Variants in ADI1 observed in about 807,000 individuals in gnomAD.
ADI1 encodes acireductone dioxygenase.
In ADI1, 21 loss-of-function variants were observed where a neutral mutation model predicts 18.7. That is an observed-to-expected ratio of 1.13 (90% CI 0.80 to 1.62). ADI1 has a LOEUF of 1.62. ADI1 is among the 40% of genes most tolerant of loss of function. The pLI is 0.00. For synonymous variants in ADI1, 90 were observed against 100.1 expected (o/e 0.90, Z 0.60); for missense variants, 245 against 254.9 (o/e 0.96, Z 0.26).
chr2:3,502,188 G>T (rs1288066072), intron 2 of ADI1, among the ~76,000 whole-genome samples: 1 of 151,874 alleles, frequency 6.6e-6, no homozygotes, highest in Non-Finnish European at 1.5e-5. Context: ...ACCATACCTG[G>T]CTAATTTTTT....
At chr2:3,516,498 A>AG (rs1667413885) in intron 1 of ADI1, 1 of 147,394 alleles carries the variant, frequency 6.8e-6, no homozygotes, top group Non-Finnish European at 1.5e-5. Context: ...AAAAAAAAAA[A>AG]GAGCAAGAGA....
intron 2 of ADI1, among the ~76,000 whole-genome samples, chr2:3,502,450 C>G (rs1198823017): frequency 7.6e-6 from 1 of 130,772 alleles, no homozygotes; most frequent in Non-Finnish European, 1.6e-5. Flanking sequence ...GGAAATAGCT[C>G]TTTTTTTTTT....
At chr2:3,504,876 CGGTTCACCTGCGTATGTTTGCGTTGTT>C (rs1448036869) in intron 2 of ADI1, among the ~76,000 whole-genome samples, 14 of 149,846 alleles carry the variant, frequency 9.3e-5, no homozygotes, top group Non-Finnish European at 1.5e-4. Flanking sequence ...TTTGTATTGT[CGGTTCACCTGCGTATGTTTGCGTTGTT>C]GGTTCACCTG....
intron 1 of ADI1, chr2:3,517,013 T>C: frequency 1.1e-6 from 1 of 888,588 alleles, no homozygotes; most frequent in Non-Finnish European, 1.3e-6. Context: ...GAAGCCACCA[T>C]GCCTGGCCCA....
Position 3,513,893 on chromosome 2 carries a change from G to A in ADI1, c.204C>T (p.Thr68=), listed in dbSNP as rs779643043. The change falls in exon 2 of 4, where the codon ACC becomes ACT. Residue 68 remains threonine (T), a synonymous_variant. Transcript: ENST00000327435. ...ERNYSWMDII[T]ICKDKLPNYE... ...AATTTGGTAGTTTATCTTTGCATAT[G>A]GTTATGATGTCCATCCAGGAGTAGT... 6.2e-7 allele frequency: 1 copy of A among 1,608,984 alleles called. No homozygotes were observed. Among genetic ancestry groups the A allele is most frequent in the Non-Finnish European group, 8.5e-7 (1 of 1,178,862 alleles).
intron 2 of ADI1, among the ~76,000 whole-genome samples, chr2:3,505,302 GA>G (rs1667152272): frequency 6.6e-6 from 1 of 152,048 alleles, no homozygotes; most frequent in Admixed American, 6.5e-5. Context: ...CAGGCAGACA[GA>G]AAGATCCACA....
chr2:3,507,927 ACT>A (rs1275077061), intron 2 of ADI1, among the ~76,000 whole-genome samples: 1 of 152,146 alleles, frequency 6.6e-6, no homozygotes, highest in Admixed American at 6.5e-5. Flanking sequence ...TATACTGTAA[ACT>A]CTGAGGCAAC....
At chr2:3,503,780 G>T (rs550267088) in intron 2 of ADI1, among the ~76,000 whole-genome samples, 2 of 152,324 alleles carry the variant, frequency 1.3e-5, no homozygotes, top group East Asian at 3.9e-4. Context: ...AGCTAACGAG[G>T]CTGCTGCTTG....
At chr2:3,515,185 T>C in intron 1 of ADI1, 1 of 177,372 alleles carries the variant, frequency 5.6e-6, no homozygotes, top group South Asian at 1.4e-4. Context: ...TTTTTCTTCT[T>C]GCAGAGAGCC....
rs1410505242 is a variant in ADI1 at position 3,500,816 on chromosome 2, T to A, written c.418A>T (p.Lys140Ter). 2 of 1,613,834 alleles carry A rather than the reference T, an allele frequency of 1.2e-6. No homozygotes were observed. Among genetic ancestry groups the A allele is most frequent in the Admixed American group, 1.7e-5 (1 of 59,992 alleles). The change falls in exon 3 of 4, where the codon AAG (lysine) becomes TAG (stop). Residue 140 changes from lysine (K) to a stop codon, truncating the protein, a stop_gained and splice_region_variant. Transcript: ENST00000327435. LOFTEE classifies it high-confidence loss of function. ...GIYHRFTVDE[K>*]NYTKAMRLFV... The stretch of plus-strand genomic sequence containing the variant: ...GGGAGAAAGCACAGCACTCCCACCT[T>A]CTCGTCCACCGTGAAGCGGTGATAG...
At chr2:3,500,467 T>G in intron 3 of ADI1, 1 of 445,132 alleles carries the variant, frequency 2.2e-6, no homozygotes, top group Admixed American at 4.0e-5. Flanking sequence ...GTGACAACCC[T>G]AGAGATGCCT....
At chr2:3,516,767 T>G (rs1667418146) in intron 1 of ADI1, 2 of 985,390 alleles carry the variant, frequency 2.0e-6, no homozygotes, top group South Asian at 9.4e-5. Context: ...TTTGTATGTA[T>G]GACAAAAGGT....
intron 2 of ADI1, among the ~76,000 whole-genome samples, chr2:3,506,289 G>A (rs956357763): frequency 6.6e-6 from 1 of 152,184 alleles, no homozygotes; most frequent in African/African-American, 2.4e-5. Context: ...TCACTGTCTA[G>A]GTAGGAAATC....
chr2:3,506,096 A>G (rs1278533375), intron 2 of ADI1, among the ~76,000 whole-genome samples: 2 of 152,264 alleles, frequency 1.3e-5, no homozygotes, highest in African/African-American at 2.4e-5. Flanking sequence ...CCCCAAGTCC[A>G]GCTGCTTCCA....
rs140822493 is a variant in ADI1 at position 3,499,022 on chromosome 2, G to A, written c.481C>T (p.Pro161Ser). 1.8e-5 allele frequency: 29 copies of A among 1,613,986 alleles called. No homozygotes were observed. The highest frequency in any genetic ancestry group is 1.1e-4 in the South Asian group (10 of 91,086). Residue 161 changes from proline (P) to serine (S), a missense_variant, in exon 4 of 4, where the codon CCC (proline) becomes TCC (serine). Transcript: ENST00000327435. ...GEPVWTAYNRPADHFEARGQY... is the reference protein window; with the variant it reads ...GEPVWTAYNRSADHFEARGQY... ...CCGCGGGCTTCAAAATGGTCAGCGG[G>A]CCGGTTGTACGCTGTCCACACCGGT...
In ADI1 at chr2:3,500,549, G is replaced by A. The variant is rs570000141; in HGVS notation, c.420+265C>T. Reference sequence around the variant, plus strand: ...CCTGCCGCCGCATGTACCTGCCGCCGCCTGTACCTGCCCCGCCTGGGTATG... The same window carrying A: ...CCTGCCGCCGCATGTACCTGCCGCCACCTGTACCTGCCCCGCCTGGGTATG... On this transcript the variant is annotated intron_variant, in intron 3 of 3. Coordinates refer to ENST00000327435, the MANE Select transcript of ADI1 (RefSeq NM_018269.4). The A allele has an allele frequency of 7.0e-5, 32 of 454,742 alleles. 1 individual carries two copies. The highest frequency in any genetic ancestry group is 6.2e-4 in the South Asian group (25 of 40,598). 28.2% of individuals were successfully genotyped at this position (454,742 alleles called of 1,614,324 possible).
At position 3,513,933 on chromosome 2, in the gene ADI1, A is replaced by G; in HGVS notation, c.164T>C (p.Ile55Thr). 6.2e-7 allele frequency: 1 copy of G among 1,612,070 alleles called. No homozygotes were observed. Among genetic ancestry groups the G allele is most frequent in the Non-Finnish European group, 8.5e-7 (1 of 1,179,618 alleles). ...KYENDPELEK[I>T]RRERNYSWMD... Reference sequence around the variant, plus strand: ...CCAGGAGTAGTTCCTCTCTCTTCGGATCTTTTCTAATTCTGGATCATTCTC... The same window carrying G: ...CCAGGAGTAGTTCCTCTCTCTTCGGGTCTTTTCTAATTCTGGATCATTCTC... Residue 55 changes from isoleucine to threonine, a missense_variant, in exon 2 of 4, where the codon ATC becomes ACC. By Grantham distance (89) the Ile-to-Thr change is moderately conservative. Coordinates refer to ENST00000327435, the MANE Select transcript of ADI1 (RefSeq NM_018269.4).
chr2:3,518,824 G>T (rs115797816), intron 1 of ADI1, among the ~76,000 whole-genome samples: 2,405 of 152,288 alleles, frequency 0.016, 65 homozygotes, highest in African/African-American at 0.053. Context: ...CTCGCAGCCC[G>T]CCTCCGGCGA....
intron 1 of ADI1, chr2:3,515,014 G>A (rs1667368894): frequency 1.3e-6 from 1 of 758,954 alleles, no homozygotes; most frequent in South Asian, 2.2e-5. Flanking sequence ...CAGGACCACT[G>A]TGATAATTGT....
Sources: allele counts gnomAD v4.1 joint callset (sites outside exome capture counted in the v4.1 genomes callset), GRCh38; gene constraint gnomAD v4.1.1; transcripts MANE v1.5; gene names NCBI Gene and HGNC (gene_info 2026-07-23, HGNC 2026-07-21).